The following ADCY2 variants were observed in gnomAD, a reference collection of about 807,000 sequenced individuals.
ADCY2 encodes the protein adenylate cyclase type 2.
ADCY2 carries 31 observed loss-of-function variants against 125.2 expected under a neutral mutation model. The observed-to-expected ratio is 0.25, with a 90% CI of 0.19 to 0.33. The LOEUF is 0.33. Ranked by LOEUF, ADCY2 falls within the 10% of genes least tolerant of loss-of-function variation. The pLI, the probability that ADCY2 is intolerant of heterozygous loss-of-function variation, is 1.00. For synonymous variants in ADCY2, 512 were observed against 548.4 expected, an observed-to-expected ratio of 0.93 and a Z score of 0.93; for missense variants, 904 against 1,418.2, an observed-to-expected ratio of 0.64 and a Z score of 5.82.
chr5:7,737,005 A>C (rs1032139402), intron 14 of ADCY2, among the ~76,000 whole-genome samples: 3 of 152,102 alleles, frequency 2.0e-5, no homozygotes, highest in Non-Finnish European at 4.4e-5. Context: ...TCAAGTAAAA[A>C]CTTTTTTTTT....
At position 7,520,682 on chromosome 5, in the gene ADCY2, G is replaced by T; in HGVS notation, c.409-56G>T. 7 of 1,593,422 alleles carry T rather than the reference G, an allele frequency of 4.4e-6. No individual in the cohort carries two copies. In the East Asian group the frequency reaches 9.0e-5, roughly 20 times the overall value. ...GCCTTTAGTGGCATGGAAACAGGAG[G>T]CTCTTAGAAACCAGAATATTTGGTG... is the stretch of plus-strand genomic sequence containing the variant. On this transcript the variant is annotated intron_variant, in intron 2 of 24. Transcript: ENST00000338316.
At chr5:7,680,377 A>G (rs1239862042) in intron 4 of ADCY2, among the ~76,000 whole-genome samples, 3 of 152,226 alleles carry the variant, frequency 2.0e-5, no homozygotes, top group Non-Finnish European at 2.9e-5. Context: ...GTGAGAAACC[A>G]TGGTTTAGAG....
At chr5:7,468,232 G>T (rs1415513211) in intron 2 of ADCY2, among the ~76,000 whole-genome samples, 1 of 152,164 alleles carries the variant, frequency 6.6e-6, no homozygotes, top group African/African-American at 2.4e-5. Context: ...AATTTGATGA[G>T]ATGGGATGAT....
At chr5:7,702,310 T>A (rs572481730) in intron 7 of ADCY2, among the ~76,000 whole-genome samples, 1 of 151,370 alleles carries the variant, frequency 6.6e-6, no homozygotes, top group East Asian at 2.0e-4. Context: ...ACATGTGCCA[T>A]GTTGGTGTGC....
intron 2 of ADCY2, among the ~76,000 whole-genome samples, chr5:7,485,421 G>A (rs986634897): frequency 6.6e-6 from 1 of 152,084 alleles, no homozygotes; most frequent in Non-Finnish European, 1.5e-5. Context: ...AAAAAATTAA[G>A]TTTAATTTCA....
chr5:7,787,716 C>A (rs548396257), intron 19 of ADCY2, among the ~76,000 whole-genome samples: 1 of 152,154 alleles, frequency 6.6e-6, no homozygotes, highest in South Asian at 2.1e-4. Context: ...ATAGATTTGG[C>A]AAAATGTCAT....
chr5:7,789,526 T>G, intron 19 of ADCY2, 116 bp from the exon 20 acceptor site: 2 of 1,006,636 alleles, frequency 2.0e-6, no homozygotes, highest in Non-Finnish European at 3.0e-6. Flanking sequence ...GGAAGTTCTG[T>G]TTGGGGGTTC....
chr5:7,733,985 C>T (rs983774687), intron 14 of ADCY2, among the ~76,000 whole-genome samples: 2 of 139,696 alleles, frequency 1.4e-5, no homozygotes, highest in South Asian at 4.1e-4. Context: ...ACTTTTGATT[C>T]TTTCTTTCTT....
chr5:7,631,726 G>A (rs956782635), intron 4 of ADCY2, among the ~76,000 whole-genome samples: 13 of 152,178 alleles, frequency 8.5e-5, no homozygotes, highest in African/African-American at 2.9e-4. Flanking sequence ...CCATGCTGAG[G>A]CATGGGGAGG....
intron 3 of ADCY2, among the ~76,000 whole-genome samples, chr5:7,577,168 A>C (rs1736277353): frequency 6.6e-6 from 1 of 152,176 alleles, no homozygotes; most frequent in Non-Finnish European, 1.5e-5. Flanking sequence ...TACCCAGAGA[A>C]ATGTGGTTGT....
intron 14 of ADCY2, among the ~76,000 whole-genome samples, chr5:7,739,446 AT>A: frequency 6.6e-6 from 1 of 152,040 alleles, no homozygotes; most frequent in Non-Finnish European, 1.5e-5. Flanking sequence ...TAGCTTTAAA[AT>A]GCTTTAAAAT....
intron 2 of ADCY2, among the ~76,000 whole-genome samples, chr5:7,453,232 T>C (rs1358490094): frequency 6.6e-6 from 1 of 152,210 alleles, no homozygotes; most frequent in African/African-American, 2.4e-5. Flanking sequence ...TATGGTTTCA[T>C]ATTTTAGATT....
chr5:7,810,528 G>A (rs1473969641), intron 22 of ADCY2, among the ~76,000 whole-genome samples: 1 of 151,984 alleles, frequency 6.6e-6, no homozygotes, highest in Non-Finnish European at 1.5e-5. Flanking sequence ...TTATCTACCT[G>A]GTTGGTGGAT....
At chr5:7,732,462 G>C (rs1208993188) in intron 14 of ADCY2, among the ~76,000 whole-genome samples, 1 of 152,168 alleles carries the variant, frequency 6.6e-6, no homozygotes, top group Admixed American at 6.5e-5. Context: ...ATTAGTCCCT[G>C]GTTTCTCCTG....
intron 15 of ADCY2, 21 bp downstream of exon 15, chr5:7,743,773 C>T (rs751832104): frequency 1.2e-6 from 2 of 1,608,602 alleles, no homozygotes; most frequent in Admixed American, 1.7e-5. Flanking sequence ...AAATGTGGCG[C>T]TTCTTTGAAA....
chr5:7,796,506 G>A, intron 20 of ADCY2: 1 of 152,226 alleles, frequency 6.6e-6, no homozygotes, highest in East Asian at 1.9e-4. Context: ...CAAGAATGAT[G>A]TAATCGCTGT....
At chr5:7,421,675 G>C (rs1374692052) in intron 2 of ADCY2, among the ~76,000 whole-genome samples, 1 of 152,190 alleles carries the variant, frequency 6.6e-6, no homozygotes, top group African/African-American at 2.4e-5. Context: ...CTGGTAGTAG[G>C]ACAGGCATTT....
At chr5:7,766,484 G>A (rs1020545309) in intron 16 of ADCY2, among the ~76,000 whole-genome samples, 4 of 152,110 alleles carry the variant, frequency 2.6e-5, no homozygotes, top group African/African-American at 9.7e-5. Context: ...TTCCTTTAAT[G>A]TGAATTTTGA....
At chr5:7,641,821 C>G (rs768563237) in intron 4 of ADCY2, among the ~76,000 whole-genome samples, 4 of 151,394 alleles carry the variant, frequency 2.6e-5, no homozygotes, top group Admixed American at 6.6e-5. Flanking sequence ...ATTATGGCCT[C>G]TAGCTGCATC....
Sources: gnomAD v4.1 joint callset for allele counts (sites outside exome capture counted in the v4.1 genomes callset) on GRCh38, gnomAD v4.1.1 for gene constraint, MANE v1.5 for transcripts, NCBI Gene and HGNC (gene_info 2026-07-23, HGNC 2026-07-21) for gene names.